GRM5: variants seen among roughly 807,000 people sequenced by gnomAD.
The protein encoded by GRM5 is metabotropic glutamate receptor 5.
GRM5 carries 19 observed loss-of-function variants against 83.1 expected under a neutral mutation model. That is an observed-to-expected ratio of 0.23 (90% CI 0.16 to 0.34). The LOEUF (loss-of-function observed/expected upper bound fraction) is 0.34. Ranked by LOEUF, GRM5 falls within the 10% of genes least tolerant of loss-of-function variation. The pLI, the probability that GRM5 is intolerant of heterozygous loss-of-function variation, is 1.00. For synonymous variants in GRM5, 675 were observed against 633.6 expected, an observed-to-expected ratio of 1.07 and a Z score of -0.98; for missense variants, 1,160 against 1,588.3, an observed-to-expected ratio of 0.73 and a Z score of 4.58.
chr11:89,065,225 C>A (rs1242967350), intron 1 of GRM5, among the ~76,000 whole-genome samples: 1 of 151,338 alleles, frequency 6.6e-6, no homozygotes, highest in East Asian at 2.0e-4. Context: ...CTAATGGGCT[C>A]AAAGATAGAG....
At position 88,525,297 on chromosome 11, in the gene GRM5, T is replaced by C. The variant is rs1417695834; in HGVS notation, c.2726+12A>G. ...ATTTCACACCACCTCAGGCCACTCA[T>C]AGTTTGCTTACCTGCTCATTGTTGC... On this transcript the variant is annotated intron_variant, in intron 9 of 9. Coordinates refer to ENST00000305447, the MANE Select transcript of GRM5 (RefSeq NM_001143831.3). 10 of 1,495,088 alleles carry C rather than the reference T, an allele frequency of 6.7e-6. No homozygotes were observed. The highest frequency in any genetic ancestry group is 9.3e-6 in the Non-Finnish European group (10 of 1,072,282). 92.6% of individuals were successfully genotyped at this position (1,495,088 alleles called of 1,614,324 possible). A position where few individuals can be genotyped will look rare whatever the true frequency, so the allele number is the denominator to read the frequency against.
intron 2 of GRM5, among the ~76,000 whole-genome samples, chr11:88,889,178 T>A (rs1945095904): frequency 1.3e-5 from 2 of 152,174 alleles, no homozygotes; most frequent in African/African-American, 2.4e-5. Context: ...GTGTGACTCC[T>A]AAGCCATGGA....
At chr11:88,645,165 C>A (rs1164806483) in intron 4 of GRM5, among the ~76,000 whole-genome samples, 1 of 152,056 alleles carries the variant, frequency 6.6e-6, no homozygotes, top group Admixed American at 6.6e-5. Context: ...ATTTTATTAA[C>A]AGTAGTTTGG....
intron 2 of GRM5, among the ~76,000 whole-genome samples, chr11:88,854,692 C>T (rs1403602382): frequency 1.3e-5 from 2 of 151,904 alleles, no homozygotes; most frequent in African/African-American, 4.8e-5. Flanking sequence ...ATGTTCACAT[C>T]TGGCTGATGG....
intron 3 of GRM5, among the ~76,000 whole-genome samples, chr11:88,705,761 CTA>C (rs1941141926): frequency 2.0e-5 from 3 of 151,946 alleles, no homozygotes; most frequent in South Asian, 2.1e-4. Flanking sequence ...TATCTCTCCT[CTA>C]TGTTTCTCTC....
At chr11:89,014,729 C>T (rs1208599394) in intron 2 of GRM5, among the ~76,000 whole-genome samples, 14 of 152,104 alleles carry the variant, frequency 9.2e-5, no homozygotes, top group African/African-American at 3.4e-4. Context: ...ATGGATACCC[C>T]ATTTTCCAGG....
intron 6 of GRM5, among the ~76,000 whole-genome samples, chr11:88,593,790 CTCTTTTTCTCTT>C (rs1937717248): frequency 2.5e-5 from 1 of 40,638 alleles, no homozygotes; most frequent in East Asian, 1.3e-3. Context: ...CTCTCTTTCT[CTCTTTTTCTCTT>C]TCTTTCTTTT....
intron 2 of GRM5, among the ~76,000 whole-genome samples, chr11:88,939,685 T>C (rs1460443080): frequency 2.0e-5 from 3 of 151,772 alleles, no homozygotes; most frequent in East Asian, 1.9e-4. Flanking sequence ...AATATTCTAA[T>C]ACGTATGTGT....
chr11:88,594,479 G>A (rs1446174106), intron 6 of GRM5, among the ~76,000 whole-genome samples: 6 of 152,154 alleles, frequency 3.9e-5, no homozygotes, highest in Non-Finnish European at 8.8e-5. Flanking sequence ...ACAAATGAGC[G>A]TGGCTGTATT....
rs1047790340 is a variant in GRM5 at position 88,978,619 on chromosome 11, G to C, written c.661+68593C>G. ...GCTTACAAGGATAAGGGTTGGACAA[G>C]CTTGATGTACAGTATTTTGTATGTC... On this transcript the variant is annotated intron_variant, in intron 2 of 9. Transcript: ENST00000305447. Among the ~76,000 whole-genome samples the C allele has an allele frequency of 8.6e-5, 13 of 151,212 alleles. No individual in the cohort carries two copies. In the East Asian group the frequency reaches 2.6e-3, roughly 30 times the overall value.
chr11:88,987,891 A>G (rs1939790563), intron 2 of GRM5, among the ~76,000 whole-genome samples: 1 of 151,126 alleles, frequency 6.6e-6, no homozygotes, highest in Non-Finnish European at 1.5e-5. Context: ...AAAAGTAGAT[A>G]AAACCACAAA....
At chr11:89,007,281 G>A (rs1367453682) in intron 2 of GRM5, among the ~76,000 whole-genome samples, 2 of 152,210 alleles carry the variant, frequency 1.3e-5, no homozygotes, top group Non-Finnish European at 2.9e-5. Context: ...CCCCAGGAGA[G>A]TAGTGAATAT....
intron 4 of GRM5, among the ~76,000 whole-genome samples, chr11:88,639,143 T>G (rs1939220980): frequency 6.6e-6 from 1 of 152,162 alleles, no homozygotes; most frequent in African/African-American, 2.4e-5. Flanking sequence ...AACTACGTGT[T>G]TTTTCCATTC....
Position 89,047,148 on chromosome 11 carries a change from A to G in GRM5, c.661+64T>C. 7 of 1,299,620 alleles carry G rather than the reference A, an allele frequency of 5.4e-6. No individual in the cohort carries two copies. The highest frequency in any genetic ancestry group is 2.2e-5 in the Admixed American group (1 of 46,496). The allele number at this position is 1,299,620 out of a possible 1,614,324, so 80.5% of individuals were successfully genotyped here. On this transcript the variant is annotated intron_variant, in intron 2 of 9. Coordinates refer to ENST00000305447, the MANE Select transcript of GRM5 (RefSeq NM_001143831.3). The surrounding 1 kb of genome is among the most constrained non-coding windows in gnomAD (Gnocchi z 5.1). ...AATTAGGAATAGTTTACTCTTCCCAAACCTGAAATTGTAACTGTTGAGTGC... is the reference window on the plus strand; with the variant it reads ...AATTAGGAATAGTTTACTCTTCCCAGACCTGAAATTGTAACTGTTGAGTGC...
At chr11:88,648,233 G>T (rs1453612029) in intron 4 of GRM5, among the ~76,000 whole-genome samples, 2 of 150,094 alleles carry the variant, frequency 1.3e-5, no homozygotes, top group African/African-American at 2.4e-5. Flanking sequence ...ATTCACAATA[G>T]CAAAGACTTG....
At chr11:88,681,344 C>T (rs777349082) in intron 3 of GRM5, among the ~76,000 whole-genome samples, 1 of 151,894 alleles carries the variant, frequency 6.6e-6, no homozygotes, top group Admixed American at 6.6e-5. Flanking sequence ...TTCAAAACTT[C>T]CTACAAAATT....
chr11:88,951,898 T>C (rs1938477146), intron 2 of GRM5, among the ~76,000 whole-genome samples: 1 of 152,244 alleles, frequency 6.6e-6, no homozygotes, highest in Admixed American at 6.5e-5. Flanking sequence ...ACTTCACTTC[T>C]CAAGCACGGG....
At chr11:88,772,399 T>A (rs79936326) in intron 3 of GRM5, among the ~76,000 whole-genome samples, 1 of 151,936 alleles carries the variant, frequency 6.6e-6, no homozygotes, top group African/African-American at 2.4e-5. Flanking sequence ...ATATCAATCA[T>A]GTACTTTTTT....
chr11:88,950,048 T>C (rs991917721), intron 2 of GRM5, among the ~76,000 whole-genome samples: 39 of 140,766 alleles, frequency 2.8e-4, no homozygotes, highest in African/African-American at 8.8e-4. Flanking sequence ...TTTTTTTTTT[T>C]GTATTTTAGT....
Sources: allele counts gnomAD v4.1 joint callset (sites outside exome capture counted in the v4.1 genomes callset), GRCh38; gene constraint gnomAD v4.1.1; non-coding constraint Gnocchi (gnomAD v3.1); transcripts MANE v1.5; gene names NCBI Gene and HGNC (gene_info 2026-07-23, HGNC 2026-07-21).